SETD2: variants seen among roughly 807,000 people sequenced by gnomAD.
SETD2 encodes the protein histone-lysine N-methyltransferase SETD2.
SETD2 carries 31 observed loss-of-function variants against 242.1 expected under a neutral mutation model. That is an observed-to-expected ratio of 0.13 (90% CI 0.10 to 0.17). The LOEUF (loss-of-function observed/expected upper bound fraction) is 0.17. SETD2 is among the 10% of genes least tolerant of loss of function. The pLI, the probability that SETD2 is intolerant of heterozygous loss-of-function variation, is 1.00. For missense variants in SETD2, 2,481 were observed against 3,046.3 expected (o/e 0.81, Z 4.37); for synonymous variants, 1,006 against 1,066.5 (o/e 0.94, Z 1.11).
chr3:47,074,437 T>C (rs2040961406), intron 12 of SETD2, among the ~76,000 whole-genome samples: 1 of 152,230 alleles, frequency 6.6e-6, no homozygotes, highest in South Asian at 2.1e-4. Flanking sequence ...GAAAAAGTCC[T>C]AGGCATAGTA....
intron 5 of SETD2, among the ~76,000 whole-genome samples, chr3:47,107,442 G>C (rs2107701408): frequency 6.6e-6 from 1 of 151,728 alleles, no homozygotes; most frequent in East Asian, 1.9e-4. Context: ...AAACAGGATT[G>C]GAGAAGTTTA....
At chr3:47,079,753 AAATTTTATTTACAAAAAC>A (rs2041247635) in intron 12 of SETD2, among the ~76,000 whole-genome samples, 1 of 152,230 alleles carries the variant, frequency 6.6e-6, no homozygotes, top group African/African-American at 2.4e-5. Context: ...GTTTCAAAGA[AAATTTTATTTACAAAAAC>A]AGACAGTGGG....
At position 47,148,544 on chromosome 3, in the gene SETD2, C is replaced by T. The variant is rs1299738431; in HGVS notation, c.71+15310G>A. Among the ~76,000 whole-genome samples, 3 of 152,152 alleles carry T rather than the reference C, an allele frequency of 2.0e-5. No homozygotes were observed. In the East Asian group the frequency reaches 5.8e-4, roughly 29 times the overall value. ...GTACAATCTGTGTTCAAGTATTCTC[C>T]AATTTTTTATACCTTCTTTCTACCT... On this transcript the variant is annotated intron_variant, in intron 1 of 20. Transcript: ENST00000409792.
At chr3:47,059,321 G>A (rs555844093) in intron 14 of SETD2, among the ~76,000 whole-genome samples, 4 of 149,652 alleles carry the variant, frequency 2.7e-5, no homozygotes, top group African/African-American at 9.9e-5. Flanking sequence ...TCACCATGTT[G>A]GTCAGGTTGG....
At chr3:47,035,782 T>C (rs1270798775) in intron 18 of SETD2, among the ~76,000 whole-genome samples, 2 of 152,238 alleles carry the variant, frequency 1.3e-5, no homozygotes, top group Non-Finnish European at 2.9e-5. Context: ...TCCCTTTGTT[T>C]ATTTTTCAAA....
chr3:47,133,920 A>G (rs1390560153), intron 1 of SETD2, among the ~76,000 whole-genome samples: 6 of 152,238 alleles, frequency 3.9e-5, no homozygotes, highest in Admixed American at 6.5e-5. Context: ...AGGAAAACTG[A>G]TAACAAAAGA....
chr3:47,093,351 T>TCAG, intron 9 of SETD2, among the ~76,000 whole-genome samples: 1 of 151,274 alleles, frequency 6.6e-6, no homozygotes, highest in East Asian at 1.9e-4. Context: ...TGGCATCATG[T>TCAG]CAGCTCACTG....
At chr3:47,079,425 T>C (rs1216093647) in intron 12 of SETD2, among the ~76,000 whole-genome samples, 1 of 152,102 alleles carries the variant, frequency 6.6e-6, no homozygotes, top group Non-Finnish European at 1.5e-5. Flanking sequence ...CTAAACAGCA[T>C]CAAGACTTTT....
chr3:47,150,415 T>C lies in SETD2; in HGVS notation c.71+13439A>G, dbSNP rs181573745. ...TGCCCGTAATATTTTGCCCATAATA[T>C]TTATAAAGAGATAAATGAGATTACT... is the stretch of plus-strand genomic sequence containing the variant. On this transcript the variant is annotated intron_variant, in intron 1 of 20. Transcript: ENST00000409792. Among the ~76,000 whole-genome samples the C allele has an allele frequency of 2.0e-5, 3 of 152,186 alleles. No individual in the cohort carries two copies. In the East Asian group the frequency reaches 5.8e-4, roughly 29 times the overall value.
chr3:47,108,748 T>A (rs932487523), intron 5 of SETD2, among the ~76,000 whole-genome samples: 1 of 152,110 alleles, frequency 6.6e-6, no homozygotes, highest in East Asian at 1.9e-4. Flanking sequence ...CCTCAGGAAT[T>A]TGGGGAATGT....
At chr3:47,160,204 T>C (rs1485532143) in intron 1 of SETD2, among the ~76,000 whole-genome samples, 2 of 152,178 alleles carry the variant, frequency 1.3e-5, no homozygotes, top group Non-Finnish European at 2.9e-5. Context: ...TATACCTCAC[T>C]TTAAATTGCA....
chr3:47,029,344 G>A, intron 18 of SETD2, among the ~76,000 whole-genome samples: 1 of 151,774 alleles, frequency 6.6e-6, no homozygotes, highest in Non-Finnish European at 1.5e-5. Flanking sequence ...ACAGGTGTGA[G>A]CCACTGCGTC....
At chr3:47,139,883 T>C (rs1234077515) in intron 1 of SETD2, among the ~76,000 whole-genome samples, 1 of 152,202 alleles carries the variant, frequency 6.6e-6, no homozygotes, top group Non-Finnish European at 1.5e-5. Flanking sequence ...AGACTTGATA[T>C]ACAAGCACTC....
At chr3:47,057,674 T>C (rs926656148) in intron 14 of SETD2, among the ~76,000 whole-genome samples, 184 bp from the exon 15 acceptor site, 9 of 152,160 alleles carry the variant, frequency 5.9e-5, no homozygotes, top group South Asian at 2.1e-4. Flanking sequence ...TCCCAAGGAA[T>C]TGACAAAGAG....
At chr3:47,045,063 C>T (rs188497736) in intron 16 of SETD2, among the ~76,000 whole-genome samples, 28 of 152,250 alleles carry the variant, frequency 1.8e-4, no homozygotes, top group Middle Eastern at 3.4e-3. Flanking sequence ...AACCTGTACG[C>T]GGTAAATACT....
Position 47,017,584 on chromosome 3 carries a change from TAC to T in SETD2, c.7533+52_7533+53del, listed in dbSNP as rs1284725364. 9 of 1,247,818 alleles carry T rather than the reference TAC, an allele frequency of 7.2e-6. No homozygotes were observed. The highest frequency in any genetic ancestry group is 3.0e-5 in the African/African-American group (2 of 67,576). The allele number at this position is 1,247,818 out of a possible 1,614,324, so 77.3% of individuals were successfully genotyped here. A position where few individuals can be genotyped will look rare whatever the true frequency, so the allele number is the denominator to read the frequency against. On this transcript the variant is annotated intron_variant, in intron 20 of 20. Transcript: ENST00000409792. This position sits in a 1 kb window ranked among gnomAD's most constrained non-coding sequence, Gnocchi z 4.8. ...ATGATGAAAAGGGCTTCTTAGAAGG[TAC>T]ACAGTTTGCCCAGAACATTGCCTGG...
rs1429279896 is a variant in SETD2 at position 47,123,181 on chromosome 3, T to C, written c.1455A>G (p.Thr485=). The C allele has an allele frequency of 6.2e-7, 1 of 1,601,884 alleles. No homozygotes were observed. The highest frequency in any genetic ancestry group is 8.5e-7 in the Non-Finnish European group (1 of 1,172,786). The part of the protein sequence containing the change: ...SHSSSYRDLR[T]SSYSKSDRDC... ...CCCGATCAGATTTAGAATAGGATGA[T>C]GTCCTTAGGTCTCTGTAAGAAGAGG... The change falls in exon 3 of 21, where the codon ACA becomes ACG. Residue 485 remains threonine (T), a synonymous_variant. Coordinates refer to ENST00000409792, the MANE Select transcript of SETD2 (RefSeq NM_014159.7).
rs2038032147 is a variant in SETD2, at chr3:47,017,486, C to G, written c.7533+152G>C. 4.2e-6 allele frequency: 3 copies of G among 713,032 alleles called. No individual in the cohort carries two copies. The highest frequency in any genetic ancestry group is 1.9e-5 in the South Asian group (1 of 53,340). 44.2% of individuals were successfully genotyped at this position (713,032 alleles called of 1,614,324 possible). ...CTGCTGTCATGTAAGGTACGCATCC[C>G]TCCCCAAACCTTCCCTCCCCGTTCC... On this transcript the variant is annotated intron_variant, in intron 20 of 20. Transcript: ENST00000409792. This position sits in a 1 kb window ranked among gnomAD's most constrained non-coding sequence, Gnocchi z 4.8.
intron 3 of SETD2, among the ~76,000 whole-genome samples, chr3:47,118,496 C>A (rs1190145740): frequency 6.6e-6 from 1 of 151,802 alleles, no homozygotes; most frequent in African/African-American, 2.4e-5. Flanking sequence ...CTGAGACGGG[C>A]GGATCACCTG....
Sources: gnomAD v4.1 joint callset for allele counts (sites outside exome capture counted in the v4.1 genomes callset) on GRCh38, gnomAD v4.1.1 for gene constraint, Gnocchi (gnomAD v3.1) non-coding constraint, MANE v1.5 for transcripts, NCBI Gene and HGNC (gene_info 2026-07-23, HGNC 2026-07-21) for gene names.